The following GPR158 variants were observed in gnomAD, a reference collection of about 807,000 sequenced individuals.
The protein encoded by GPR158 is metabotropic glycine receptor.
A neutral mutation model predicts 78.2 loss-of-function variants in GPR158; 30 were observed. The observed-to-expected ratio is 0.38, with a 90% CI of 0.29 to 0.52. The LOEUF (loss-of-function observed/expected upper bound fraction) is 0.52. GPR158 is among the 20% of genes least tolerant of loss of function. The pLI, the probability that GPR158 is intolerant of heterozygous loss-of-function variation, is 0.83. For synonymous variants in GPR158, 581 were observed against 591.1 expected, an observed-to-expected ratio of 0.98 and a Z score of 0.25; for missense variants, 1,463 against 1,523.5, an observed-to-expected ratio of 0.96 and a Z score of 0.66.
chr10:25,269,056 A>G (rs1303214050), intron 2 of GPR158, among the ~76,000 whole-genome samples: 1 of 152,146 alleles, frequency 6.6e-6, no homozygotes, highest in African/African-American at 2.4e-5. Flanking sequence ...ACATAATGTT[A>G]CTTTATATAC....
intron 2 of GPR158, among the ~76,000 whole-genome samples, chr10:25,301,665 A>G (rs1027935972): frequency 2.6e-5 from 4 of 151,044 alleles, no homozygotes; most frequent in Non-Finnish European, 4.4e-5. Flanking sequence ...AAAATAGTTG[A>G]GTAACATGTA....
intron 8 of GPR158, among the ~76,000 whole-genome samples, chr10:25,593,340 C>T (rs1020193640): frequency 2.0e-5 from 3 of 151,868 alleles, no homozygotes; most frequent in Non-Finnish European, 4.4e-5. Flanking sequence ...TAGTTTCTTC[C>T]TATTTTAGCC....
At chr10:25,501,862 G>A (rs1266604845) in intron 5 of GPR158, among the ~76,000 whole-genome samples, 3 of 152,256 alleles carry the variant, frequency 2.0e-5, no homozygotes, top group Admixed American at 2.0e-4. Flanking sequence ...CAACTTACGT[G>A]GCTAATTTGA....
In GPR158 at chr10:25,589,136, A is replaced by G. The variant is rs2130748006; in HGVS notation, c.1883A>G (p.His628Arg). The change falls in exon 8 of 11, where the codon CAT becomes CGT. Residue 628 changes from histidine to arginine, a missense_variant. Coordinates refer to ENST00000376351, the MANE Select transcript of GPR158 (RefSeq NM_020752.3). ...HNELIISAIF[H>R]TIRFVLASRL... ...GAGCTCATCATCTCTGCTATATTCC[A>G]TACAATTAGGCAAGTGATCTGTAGA... 2 of 1,604,208 alleles carry G rather than the reference A, an allele frequency of 1.2e-6. No homozygotes were observed. Among genetic ancestry groups the G allele is most frequent in the Admixed American group, 1.7e-5 (1 of 59,410 alleles).
intron 2 of GPR158, among the ~76,000 whole-genome samples, chr10:25,245,735 AT>A (rs1187902465): frequency 1.3e-5 from 2 of 152,208 alleles, no homozygotes; most frequent in Admixed American, 1.3e-4. Context: ...CTCTCCTGAG[AT>A]TTTGGAAATT....
chr10:25,434,151 A>C (rs557235748), intron 4 of GPR158, among the ~76,000 whole-genome samples: 1 of 152,134 alleles, frequency 6.6e-6, no homozygotes, highest in African/African-American at 2.4e-5. Context: ...ACACAGCAAG[A>C]CTCTGTCTCA....
chr10:25,383,751 A>G lies in GPR158; in HGVS notation c.1009-12160A>G, dbSNP rs575143125. Reference sequence around the variant, plus strand: ...GGAATACTGCCTGAAACCAAGAAGAATAGAAAAAAAAAAGTTGAAACAATC... The same window carrying G: ...GGAATACTGCCTGAAACCAAGAAGAGTAGAAAAAAAAAAGTTGAAACAATC... On this transcript the variant is annotated intron_variant, in intron 2 of 10. Coordinates refer to ENST00000376351, the MANE Select transcript of GPR158 (RefSeq NM_020752.3). Among the ~76,000 whole-genome samples, 75 of 152,344 alleles carry G rather than the reference A, an allele frequency of 4.9e-4. 1 individual carries two copies. Among genetic ancestry groups the G allele is most frequent in the Non-Finnish European group, 2.1e-4 (14 of 68,036 alleles).
At chr10:25,392,682 G>A (rs1401871922) in intron 2 of GPR158, among the ~76,000 whole-genome samples, 1 of 151,944 alleles carries the variant, frequency 6.6e-6, no homozygotes, top group Non-Finnish European at 1.5e-5. Context: ...TTTAAACTAG[G>A]TTAACTGAAC....
intron 2 of GPR158, among the ~76,000 whole-genome samples, chr10:25,268,344 T>C (rs1854070825): frequency 6.6e-6 from 1 of 152,148 alleles, no homozygotes. Flanking sequence ...GGATAAACTT[T>C]AGTATATCTG....
intron 1 of GPR158, among the ~76,000 whole-genome samples, chr10:25,191,989 C>G (rs961016887): frequency 1.1e-4 from 17 of 152,056 alleles, no homozygotes; most frequent in Admixed American, 9.8e-4. Flanking sequence ...TTTTTAAGTA[C>G]CAGGACCATA....
chr10:25,357,945 A>G (rs573720773), intron 2 of GPR158, among the ~76,000 whole-genome samples: 165 of 152,232 alleles, frequency 1.1e-3, no homozygotes, highest in African/African-American at 3.8e-3. Context: ...GAGGGAGGCT[A>G]TACCCTGCAA....
chr10:25,599,313 T>G lies in GPR158; in HGVS notation c.*39T>G. On this transcript the variant is annotated 3_prime_UTR_variant, in exon 11 of 11. Transcript: ENST00000376351. ...AAGAGGAAAAGGAGGGAACCCCGGA[T>G]TGGATATGAGACAGAAGATATAAGA... 7.0e-7 allele frequency: 1 copy of G among 1,419,836 alleles called. No individual in the cohort carries two copies. The highest frequency in any genetic ancestry group is 9.7e-7 in the Non-Finnish European group (1 of 1,026,162). 88.0% of individuals were successfully genotyped at this position (1,419,836 alleles called of 1,614,324 possible). A position where few individuals can be genotyped will look rare whatever the true frequency, so the allele number is the denominator to read the frequency against.
rs1837501408 is a variant in GPR158, at chr10:25,601,702, G to A, written c.*2428G>A. The A allele has an allele frequency of 6.5e-6, 1 of 152,702 alleles. No individual in the cohort carries two copies. Among genetic ancestry groups the A allele is most frequent in the Admixed American group, 6.5e-5 (1 of 15,282 alleles). 9.5% of individuals were successfully genotyped at this position (152,702 alleles called of 1,614,324 possible). A position where few individuals can be genotyped will look rare whatever the true frequency, so the allele number is the denominator to read the frequency against. ...AGAGAAGTTGAAATTTACAAGTCAG[G>A]AGGTTATTTTTCCAGATTGATAACC... On this transcript the variant is annotated 3_prime_UTR_variant, in exon 11 of 11. Coordinates refer to ENST00000376351, the MANE Select transcript of GPR158 (RefSeq NM_020752.3).
At chr10:25,506,340 A>G (rs932339216) in intron 5 of GPR158, among the ~76,000 whole-genome samples, 3 of 152,204 alleles carry the variant, frequency 2.0e-5, no homozygotes, top group African/African-American at 7.2e-5. Context: ...TTATTGAAAA[A>G]CTATCCTCCA....
At position 25,389,440 on chromosome 10, in the gene GPR158, T is replaced by G. The variant is rs565489402; in HGVS notation, c.1009-6471T>G. On this transcript the variant is annotated intron_variant, in intron 2 of 10. Coordinates refer to ENST00000376351, the MANE Select transcript of GPR158 (RefSeq NM_020752.3). The stretch of plus-strand genomic sequence containing the variant: ...GACCTGCCTCACAGAGAGGAGACTC[T>G]CTGCTGAGAGCTGAACACTCGTTGG... Among the ~76,000 whole-genome samples, 18 of 152,214 alleles carry G rather than the reference T, an allele frequency of 1.2e-4. No homozygotes were observed. In the South Asian group the frequency reaches 3.7e-3, roughly 32 times the overall value.
chr10:25,553,531 C>T (rs1406080469), intron 6 of GPR158, among the ~76,000 whole-genome samples: 2 of 152,102 alleles, frequency 1.3e-5, no homozygotes, highest in Non-Finnish European at 2.9e-5. Flanking sequence ...ATAAACTGAA[C>T]AATCAGCATC....
At chr10:25,416,870 ATAAAT>A (rs1159196246) in intron 4 of GPR158, among the ~76,000 whole-genome samples, 4 of 152,176 alleles carry the variant, frequency 2.6e-5, no homozygotes, top group Admixed American at 2.6e-4. Flanking sequence ...CTGTAAGTTA[ATAAAT>A]TAAGGCTAAG....
rs112303504 is a variant in GPR158, at chr10:25,356,439, G to A, written c.1009-39472G>A. Among the ~76,000 whole-genome samples the A allele has an allele frequency of 7.0e-3, 1,066 of 152,044 alleles. 11 individuals are homozygous for A. Among genetic ancestry groups the A allele is most frequent in the Non-Finnish European group, 0.011 (781 of 67,962 alleles). ...TTGGTTGTTTAAGAGTATTGATATG[G>A]TTTTGCTCTGTGTCCCCACCCAAAT... On this transcript the variant is annotated intron_variant, in intron 2 of 10. Transcript: ENST00000376351.
At chr10:25,342,329 C>T (rs181314047) in intron 2 of GPR158, among the ~76,000 whole-genome samples, 31 of 151,956 alleles carry the variant, frequency 2.0e-4, no homozygotes, top group African/African-American at 7.2e-4. Context: ...CCCTTCCAAG[C>T]CTTGTTCCAC....
Sources: allele counts gnomAD v4.1 joint callset (sites outside exome capture counted in the v4.1 genomes callset), GRCh38; gene constraint gnomAD v4.1.1; transcripts MANE v1.5; gene names NCBI Gene and HGNC (gene_info 2026-07-23, HGNC 2026-07-21).